The following SCRG1 variants were observed in gnomAD, a reference collection of about 807,000 sequenced individuals.
SCRG1 encodes the protein stimulator of chondrogenesis 1, also known as scrapie-responsive protein 1.
A neutral mutation model predicts 7.7 loss-of-function variants in SCRG1; 3 were observed. That is an observed-to-expected ratio of 0.39 (90% CI 0.18 to 1.01). The LOEUF (loss-of-function observed/expected upper bound fraction) is 1.01. Among genes scored for constraint, SCRG1 ranks in the 50% least tolerant of loss-of-function variants. The pLI is 0.36. For synonymous variants in SCRG1, 46 were observed against 41.2 expected, an observed-to-expected ratio of 1.12 and a Z score of -0.44; for missense variants, 110 against 117.2, an observed-to-expected ratio of 0.94 and a Z score of 0.28.
the SCRG1 span, among the ~76,000 whole-genome samples, chr4:173,493,221 GTTGTTC>G: frequency 3.9e-5 from 6 of 152,088 alleles, no homozygotes; most frequent in Non-Finnish European, 5.9e-5. Flanking sequence ...CTTCCCCCTT[GTTGTTC>G]TTGTGATAGT....
chr4:173,432,296 T>TC, the SCRG1 span, among the ~76,000 whole-genome samples: 7 of 127,438 alleles, frequency 5.5e-5, no homozygotes, highest in Non-Finnish European at 8.4e-5. Context: ...CCTTCCTTCC[T>TC]CCCCCCCTCC....
chr4:173,500,621 A>G, the SCRG1 span, among the ~76,000 whole-genome samples: 1 of 152,098 alleles, frequency 6.6e-6, no homozygotes, highest in Non-Finnish European at 1.5e-5. Context: ...CTTGGACTAC[A>G]GGCCTCCGCT....
the SCRG1 span, among the ~76,000 whole-genome samples, chr4:173,433,555 G>A: frequency 1.3e-4 from 20 of 152,268 alleles, no homozygotes; most frequent in Non-Finnish European, 1.9e-4. Context: ...AGTGCATTTC[G>A]CTCTGGTCTG....
chr4:173,470,451 T>A, the SCRG1 span, among the ~76,000 whole-genome samples: 1 of 152,290 alleles, frequency 6.6e-6, no homozygotes, highest in South Asian at 2.1e-4. Flanking sequence ...CAGTCTTTGG[T>A]TGCTGAGTAC....
the SCRG1 span, among the ~76,000 whole-genome samples, chr4:173,442,187 A>G: frequency 6.6e-6 from 1 of 152,184 alleles, no homozygotes; most frequent in Non-Finnish European, 1.5e-5. Context: ...ATTCATTCTC[A>G]GCTTTGAAAT....
At chr4:173,412,598 C>CA in the SCRG1 span, among the ~76,000 whole-genome samples, 1 of 152,328 alleles carries the variant, frequency 6.6e-6, no homozygotes, top group South Asian at 2.1e-4. Context: ...AAGGCTGCCT[C>CA]ATGCTCTTCG....
At chr4:173,495,396 C>T in the SCRG1 span, among the ~76,000 whole-genome samples, 13 of 152,146 alleles carry the variant, frequency 8.5e-5, no homozygotes, top group Admixed American at 1.3e-4. Context: ...GACTTTTAAA[C>T]GGTGAAATCT....
At chr4:173,417,243 C>G in the SCRG1 span, among the ~76,000 whole-genome samples, 1 of 152,158 alleles carries the variant, frequency 6.6e-6, no homozygotes, top group Non-Finnish European at 1.5e-5. Context: ...GGAGAAAAAA[C>G]AAGCATCTAC....
chr4:173,437,366 C>T, the SCRG1 span, among the ~76,000 whole-genome samples: 1 of 152,194 alleles, frequency 6.6e-6, no homozygotes, highest in Admixed American at 6.5e-5. Flanking sequence ...TAATAAAGCA[C>T]ATACCACTTA....
the SCRG1 span, among the ~76,000 whole-genome samples, chr4:173,517,317 CAAAAT>C: frequency 3.9e-5 from 6 of 152,182 alleles, no homozygotes; most frequent in African/African-American, 1.4e-4. Flanking sequence ...GAAAAAAAAT[CAAAAT>C]AAACCACTTT....
chr4:173,415,456 A>G, the SCRG1 span, among the ~76,000 whole-genome samples: 1 of 152,230 alleles, frequency 6.6e-6, no homozygotes, highest in African/African-American at 2.4e-5. Flanking sequence ...ATGACAGCTC[A>G]GCATTTCTTG....
At chr4:173,481,708 A>C in the SCRG1 span, among the ~76,000 whole-genome samples, 8 of 152,106 alleles carry the variant, frequency 5.3e-5, no homozygotes, top group Non-Finnish European at 1.0e-4. Context: ...CTTCCACTTA[A>C]TGAAAGTTAA....
chr4:173,479,360 C>G, the SCRG1 span, among the ~76,000 whole-genome samples: 9 of 151,708 alleles, frequency 5.9e-5, no homozygotes, highest in African/African-American at 2.2e-4. Context: ...ATATACCCAG[C>G]TGATGAAAGC....
At chr4:173,458,411 T>C in the SCRG1 span, among the ~76,000 whole-genome samples, 1 of 152,208 alleles carries the variant, frequency 6.6e-6, no homozygotes, top group African/African-American at 2.4e-5. Flanking sequence ...AATTTTAATA[T>C]TATATTTTAT....
At chr4:173,505,801 T>A in the SCRG1 span, among the ~76,000 whole-genome samples, 1 of 152,168 alleles carries the variant, frequency 6.6e-6, no homozygotes, top group Non-Finnish European at 1.5e-5. The surrounding 1 kb of genome is among the most constrained non-coding windows in gnomAD (Gnocchi z 4.4). Flanking sequence ...AATAATGATG[T>A]TTGGAAGGTG....
At chr4:173,451,228 A>G in the SCRG1 span, among the ~76,000 whole-genome samples, 1 of 150,240 alleles carries the variant, frequency 6.7e-6, no homozygotes, top group Non-Finnish European at 1.5e-5. Flanking sequence ...CTAAGAGGAA[A>G]AGGAATAAGG....
the SCRG1 span, among the ~76,000 whole-genome samples, chr4:173,467,262 G>A: frequency 3.9e-5 from 6 of 152,028 alleles, no homozygotes; most frequent in Admixed American, 2.6e-4. Flanking sequence ...TCCTGTTGTA[G>A]TAAAGAATCA....
At chr4:173,458,380 TA>T in the SCRG1 span, among the ~76,000 whole-genome samples, 131 of 151,384 alleles carry the variant, frequency 8.7e-4, 1 homozygote, top group East Asian at 7.0e-3. Flanking sequence ...CAAAAATAAT[TA>T]AAAAAAAACA....
chr4:173,418,840 T>C, the SCRG1 span, among the ~76,000 whole-genome samples: 1 of 152,126 alleles, frequency 6.6e-6, no homozygotes, highest in Non-Finnish European at 1.5e-5. Context: ...TCTTTCTTCT[T>C]CTCTGGCCAT....
Sources: gnomAD v4.1 joint callset for allele counts (sites outside exome capture counted in the v4.1 genomes callset) on GRCh38, gnomAD v4.1.1 for gene constraint, Gnocchi (gnomAD v3.1) non-coding constraint, MANE v1.5 for transcripts, NCBI Gene and HGNC (gene_info 2026-07-23, HGNC 2026-07-21) for gene names.